CCN3: variants seen among roughly 807,000 people sequenced by gnomAD.
The protein encoded by CCN3 is CCN family member 3.
CCN3 carries 20 observed loss-of-function variants against 33.4 expected under a neutral mutation model. The observed-to-expected ratio is 0.60, with a 90% CI of 0.42 to 0.87. The LOEUF is 0.87. Ranked by LOEUF, CCN3 falls within the 40% of genes least tolerant of loss-of-function variation. The probability of loss-of-function intolerance (pLI) is 0.00; values close to 1 mark genes in which losing one functional copy is unlikely to be tolerated. For synonymous variants in CCN3, 205 were observed against 170.4 expected (o/e 1.20, Z -1.58); for missense variants, 465 against 455.3 (o/e 1.02, Z -0.19).
rs769272448 is a variant in CCN3, at chr8:119,418,260, G to A, written c.513G>A (p.Trp171Ter). 4 of 1,614,166 alleles carry A rather than the reference G, an allele frequency of 2.5e-6. No individual in the cohort carries two copies. The East Asian group carries it at 8.9e-5, about 36-fold the overall frequency. Reference sequence around the variant, plus strand: ...TGCCTGGAGAGTGCTGTGAAAAGTGGATCTGTGGCCCAGATGAGGAGGATT... The same window carrying A: ...TGCCTGGAGAGTGCTGTGAAAAGTGAATCTGTGGCCCAGATGAGGAGGATT... ...VEVPGECCEK[W>*]ICGPDEEDSL... The change falls in exon 3 of 5, where the codon TGG (tryptophan) becomes TGA (stop). Residue 171 changes from tryptophan to a stop codon, truncating the protein, a stop_gained. Coordinates refer to ENST00000259526, the MANE Select transcript of CCN3 (RefSeq NM_002514.4). LOFTEE classifies it high-confidence loss of function.
chr8:119,418,776 T>C (rs1365814582), intron 3 of CCN3, among the ~76,000 whole-genome samples: 3 of 152,234 alleles, frequency 2.0e-5, no homozygotes, highest in Non-Finnish European at 4.4e-5. Flanking sequence ...GTAGTAAGGC[T>C]CAGATGGCAC....
In CCN3 at chr8:119,419,293, G is replaced by T. The variant is rs773316453; in HGVS notation, c.725G>T (p.Arg242Leu). The change falls in exon 4 of 5, where the codon CGG (arginine) becomes CTG (leucine). Residue 242 changes from arginine (R) to leucine (L), a missense_variant. Physicochemically the swap from Arg to Leu is moderately radical, Grantham distance 102 (BLOSUM62 -2). Transcript: ENST00000259526. ...NRQCEMLKQT[R>L]LCMVRPCEQE... ...CAATGTGAGATGCTGAAACAGACTCGGCTCTGCATGGTGCGGCCCTGTGAA... is the reference window on the plus strand; with the variant it reads ...CAATGTGAGATGCTGAAACAGACTCTGCTCTGCATGGTGCGGCCCTGTGAA... 1.2e-6 allele frequency: 2 copies of T among 1,614,162 alleles called. No homozygotes were observed. The highest frequency in any genetic ancestry group is 2.2e-5 in the East Asian group (1 of 44,882).
At chr8:119,417,515 G>A (rs564282919) in intron 2 of CCN3, among the ~76,000 whole-genome samples, 23 of 152,216 alleles carry the variant, frequency 1.5e-4, no homozygotes, top group East Asian at 9.6e-4. Flanking sequence ...GTAATCAGTC[G>A]GGGATCAATT....
At position 119,418,206 on chromosome 8, in the gene CCN3, T is replaced by A. The variant is rs758369201; in HGVS notation, c.459T>A (p.Pro153=). The A allele has an allele frequency of 6.2e-7, 1 of 1,614,198 alleles. No individual in the cohort carries two copies. The highest frequency in any genetic ancestry group is 1.7e-5 in the Admixed American group (1 of 60,020). Residue 153 remains proline, a synonymous_variant, in exon 3 of 5, where the codon CCT becomes CCA. Coordinates refer to ENST00000259526, the MANE Select transcript of CCN3 (RefSeq NM_002514.4). ...AGCTGGATGTGCTACTGCCTGAGCC[T>A]AACTGCCCAGCTCCAAGAAAAGTTG... ...RCQLDVLLPE[P]NCPAPRKVEV... is the part of the protein sequence containing the mutation.
intron 4 of CCN3, among the ~76,000 whole-genome samples, chr8:119,421,884 T>G (rs1172193447): frequency 1.3e-5 from 2 of 152,232 alleles, no homozygotes; most frequent in Non-Finnish European, 2.9e-5. Flanking sequence ...CTTGTATGAA[T>G]GAACACTGTT....
intron 2 of CCN3, 38 bp from the exon 3 acceptor site, chr8:119,418,020 T>A: frequency 6.3e-7 from 1 of 1,585,810 alleles, no homozygotes; most frequent in South Asian, 1.1e-5. Flanking sequence ...TTTTTCCTCT[T>A]CCTCTTTGCT....
chr8:119,416,965 C>T lies in CCN3; in HGVS notation c.306C>T (p.Cys102=), dbSNP rs1198295665. The change falls in exon 2 of 5, where the codon TGC becomes TGT. Residue 102 remains cysteine (C), a synonymous_variant. Transcript: ENST00000259526. ...ACCCCAGCAACCAGACTGGCATCTG[C>T]ACGGGTAATCCTGCTCCCTCTGCTG... is the stretch of plus-strand genomic sequence containing the variant. ...SADPSNQTGI[C]TAVEGDNCVF... is the part of the protein sequence containing the mutation. 1 of 1,611,072 alleles carries T rather than the reference C, an allele frequency of 6.2e-7. No homozygotes were observed.
In CCN3 at chr8:119,419,139, C is replaced by T. The variant is rs778237586; in HGVS notation, c.571C>T (p.Pro191Ser). The T allele has an allele frequency of 3.1e-6, 5 of 1,613,714 alleles. No individual in the cohort carries two copies. The highest frequency in any genetic ancestry group is 4.2e-6 in the Non-Finnish European group (5 of 1,179,802). ...ATTTATACATCCCATAGCTTACAGG[C>T]CAGAAGCCACCCTAGGAGTAGAAGT... ...LGGLTLAAYR[P>S]EATLGVEVSD... Residue 191 changes from proline to serine, a missense_variant, in exon 4 of 5, where the codon CCA (proline) becomes TCA (serine). By Grantham distance (74) the Pro-to-Ser change is moderately conservative (BLOSUM62 -1). Transcript: ENST00000259526.
At chr8:119,416,997 C>G in intron 2 of CCN3, 28 bp downstream of exon 2, 8 of 1,568,766 alleles carry the variant, frequency 5.1e-6, no homozygotes, top group Non-Finnish European at 7.0e-6. Context: ...GCTGTTTGAC[C>G]TCTTCTCCTG....
chr8:119,418,250 G>C lies in CCN3; in HGVS notation c.503G>C (p.Cys168Ser). Reference protein sequence around the residue: ...PRKVEVPGECCEKWICGPDEE... With the variant: ...PRKVEVPGECSEKWICGPDEE... The stretch of plus-strand genomic sequence containing the variant: ...AAAGTTGAGGTGCCTGGAGAGTGCT[G>C]TGAAAAGTGGATCTGTGGCCCAGAT... Residue 168 changes from cysteine (C) to serine (S), a missense_variant, in exon 3 of 5, where the codon TGT (cysteine) becomes TCT (serine). Cys to Ser is a moderately radical substitution (Grantham distance 112). Coordinates refer to ENST00000259526, the MANE Select transcript of CCN3 (RefSeq NM_002514.4). 1.9e-6 allele frequency: 3 copies of C among 1,614,192 alleles called. No homozygotes were observed. The highest frequency in any genetic ancestry group is 2.5e-6 in the Non-Finnish European group (3 of 1,180,042).
At chr8:119,417,188 G>T (rs1820062947) in intron 2 of CCN3, 6 of 534,660 alleles carry the variant, frequency 1.1e-5, no homozygotes, top group South Asian at 8.1e-5. Context: ...TGCCCTGGGG[G>T]TGAAAGGCAT....
chr8:119,417,814 C>T (rs1314761950), intron 2 of CCN3, among the ~76,000 whole-genome samples: 1 of 152,172 alleles, frequency 6.6e-6, no homozygotes, highest in Admixed American at 6.5e-5. Context: ...CAGTTGCACA[C>T]CTCTTTCCTC....
At chr8:119,419,410 T>C in intron 4 of CCN3, 65 bp downstream of exon 4, 1 of 1,498,762 alleles carries the variant, frequency 6.7e-7, no homozygotes, top group Non-Finnish European at 9.3e-7. Flanking sequence ...AGCCTGGGCT[T>C]CAGAAAGTCA....
Position 119,416,489 on chromosome 8 carries a change from G to A in CCN3, c.-44G>A, listed in dbSNP as rs754136241. ...AAGGCGAGCAGTGCCAATCTACAGC[G>A]AAGAAAGTCTCGTTTGGTAAAAGCG... is the stretch of plus-strand genomic sequence containing the variant. On this transcript the variant is annotated 5_prime_UTR_variant, in exon 1 of 5. Transcript: ENST00000259526. 3.8e-6 allele frequency: 6 copies of A among 1,589,998 alleles called. No homozygotes were observed. Among genetic ancestry groups the A allele is most frequent in the South Asian group, 1.1e-5 (1 of 89,326 alleles).
rs1313521267 is a variant in CCN3 at position 119,418,278 on chromosome 8, G to A, written c.531G>A (p.Glu177=). ...AAAAGTGGATCTGTGGCCCAGATGA[G>A]GAGGATTCACTGGGAGGCCTTACCC... The part of the protein sequence containing the change: ...CCEKWICGPD[E]EDSLGGLTLA... The change falls in exon 3 of 5, where the codon GAG becomes GAA. Residue 177 remains glutamate, a synonymous_variant. Transcript: ENST00000259526. 1 of 1,614,120 alleles carries A rather than the reference G, an allele frequency of 6.2e-7. No homozygotes were observed. Among genetic ancestry groups the A allele is most frequent in the Non-Finnish European group, 8.5e-7 (1 of 1,179,996 alleles).
In CCN3 at chr8:119,419,223, A is replaced by G. The variant is rs759728756; in HGVS notation, c.655A>G (p.Ser219Gly). The change falls in exon 4 of 5, where the codon AGC becomes GGC. Residue 219 changes from serine (S) to glycine (G), a missense_variant. Ser to Gly is a moderately conservative substitution (Grantham distance 56, BLOSUM62 0). Transcript: ENST00000259526. ...QTTEWTACSK[S>G]CGMGFSTRVT... Reference sequence around the variant, plus strand: ...CACAGAGTGGACAGCATGCTCCAAGAGCTGTGGTATGGGGTTCTCCACCCG... The same window carrying G: ...CACAGAGTGGACAGCATGCTCCAAGGGCTGTGGTATGGGGTTCTCCACCCG... 3.1e-6 allele frequency: 5 copies of G among 1,614,084 alleles called. No homozygotes were observed. The highest frequency in any genetic ancestry group is 1.1e-5 in the South Asian group (1 of 91,086).
chr8:119,421,460 A>T (rs541115252), intron 4 of CCN3, among the ~76,000 whole-genome samples: 2 of 152,160 alleles, frequency 1.3e-5, no homozygotes, highest in Admixed American at 1.3e-4. Flanking sequence ...AATCCTCTAG[A>T]TGATTTTGAT....
In CCN3 at chr8:119,423,315, T is replaced by C; in HGVS notation, c.*183T>C. On this transcript the variant is annotated 3_prime_UTR_variant, in exon 5 of 5. Transcript: ENST00000259526. The stretch of plus-strand genomic sequence containing the variant: ...ATTTAACAAAAAATGTAATTAACTG[T>C]AAACTTGGAATCAAGGTAAGCTCAG... 1 of 567,192 alleles carries C rather than the reference T, an allele frequency of 1.8e-6. No individual in the cohort carries two copies. The highest frequency in any genetic ancestry group is 3.0e-6 in the Non-Finnish European group (1 of 333,634). The allele number at this position is 567,192 out of a possible 1,614,324, so 35.1% of individuals were successfully genotyped here.
At chr8:119,418,659 T>C (rs1375948044) in intron 3 of CCN3, among the ~76,000 whole-genome samples, 2 of 152,192 alleles carry the variant, frequency 1.3e-5, no homozygotes, top group African/African-American at 4.8e-5. Flanking sequence ...TTCTCTTTCT[T>C]TTCTGGATTC....
Sources: gnomAD v4.1 joint callset for allele counts (sites outside exome capture counted in the v4.1 genomes callset) on GRCh38, gnomAD v4.1.1 for gene constraint, MANE v1.5 for transcripts, NCBI Gene and HGNC (gene_info 2026-07-23, HGNC 2026-07-21) for gene names.